Variants in PHF8 observed in about 807,000 individuals in gnomAD.
The protein encoded by PHF8 is PHD finger protein 8.
Under a neutral mutation model 74.4 loss-of-function variants are expected in PHF8, and 9 were observed. The ratio of observed to expected loss-of-function variants is 0.12; its 90% confidence interval spans 0.07 to 0.21. The LOEUF (loss-of-function observed/expected upper bound fraction) is 0.21, where lower values mean the gene tolerates loss of function less well. Ranked by LOEUF, PHF8 falls within the 10% of genes least tolerant of loss-of-function variation. The pLI, the probability that PHF8 is intolerant of heterozygous loss-of-function variation, is 1.00. For synonymous variants in PHF8, 311 were observed against 316.6 expected, an observed-to-expected ratio of 0.98 and a Z score of 0.19; for missense variants, 478 against 816.6, an observed-to-expected ratio of 0.59 and a Z score of 5.05.
chrX:53,977,848 G>A (rs1357019985), intron 18 of PHF8, among the ~76,000 whole-genome samples: 4 of 107,206 alleles, frequency 3.7e-5, no homozygotes, highest in African/African-American at 6.8e-5. Flanking sequence ...GGGTTTCACC[G>A]TGTTAGCCAG....
chrX:54,026,841 G>C (rs1449585197), intron 2 of PHF8, among the ~76,000 whole-genome samples: 2 of 111,210 alleles, frequency 1.8e-5, no homozygotes, highest in Non-Finnish European at 3.8e-5. Flanking sequence ...CTGGCCTCAA[G>C]TGATCCTCCT....
At chrX:54,008,371 C>CAAA (rs34539175) in intron 8 of PHF8, among the ~76,000 whole-genome samples, 15 of 36,209 alleles carry the variant, frequency 4.1e-4, no homozygotes, top group Non-Finnish European at 6.1e-4. Context: ...AATACTCCGT[C>CAAA]AAAAAAAAAA....
chrX:54,003,740 G>C (rs2065859681), intron 8 of PHF8, among the ~76,000 whole-genome samples: 1 of 111,846 alleles, frequency 8.9e-6, no homozygotes, highest in Non-Finnish European at 1.9e-5. Context: ...GCCCTCAATC[G>C]CCTCTGTGGT....
chrX:54,008,858 T>C (rs2065936394), intron 8 of PHF8, among the ~76,000 whole-genome samples: 1 of 111,153 alleles, frequency 9.0e-6, no homozygotes, highest in African/African-American at 3.3e-5. Context: ...TGACTGCTAA[T>C]GAGTATAGGG....
At chrX:53,946,176 T>C (rs782759933) in intron 19 of PHF8, among the ~76,000 whole-genome samples, 13 of 112,046 alleles carry the variant, frequency 1.2e-4, no homozygotes, top group African/African-American at 4.2e-4. Context: ...AATGAAACAA[T>C]TGATTCTAGG....
At chrX:53,945,674 T>C (rs782377557) in intron 19 of PHF8, among the ~76,000 whole-genome samples, 1 of 110,929 alleles carries the variant, frequency 9.0e-6, no homozygotes, top group African/African-American at 3.3e-5. Context: ...CCTTATTACA[T>C]CTCCAGAGTG....
chrX:53,950,876 A>AC (rs1390937402), intron 19 of PHF8, among the ~76,000 whole-genome samples: 1 of 112,425 alleles, frequency 8.9e-6, no homozygotes, highest in African/African-American at 3.2e-5. Flanking sequence ...AAATTACAAG[A>AC]CATACAAAGA....
Position 54,002,192 on chromosome X carries a change from A to G in PHF8, c.1104T>C (p.Cys368=). Residue 368 remains cysteine (C), a synonymous_variant, in exon 10 of 22, where the codon TGT becomes TGC. Transcript: ENST00000338154. Reference sequence around the variant, plus strand: ...CCAGGATGTGCTTTCCCACATACCAACAGATGGTCTCAAAGTTGGGGAATC... The same window carrying G: ...CCAGGATGTGCTTTCCCACATACCAGCAGATGGTCTCAAAGTTGGGGAATC... ...LFRFPNFETI[C]WYVGKHILDI... is the part of the protein sequence containing the mutation. 1 of 1,201,386 alleles carries G rather than the reference A, an allele frequency of 8.3e-7. No individual in the cohort carries two copies. Among genetic ancestry groups the G allele is most frequent in the Non-Finnish European group, 1.1e-6 (1 of 886,310 alleles).
chrX:53,967,227 G>A (rs2065212240), intron 18 of PHF8, among the ~76,000 whole-genome samples: 1 of 106,061 alleles, frequency 9.4e-6, no homozygotes, highest in South Asian at 4.1e-4. Flanking sequence ...GAAGTGAGGA[G>A]CCCCTCTGCC....
At chrX:54,048,837 C>T (rs782719107), upstream of PHF8, 2 of 112,504 alleles carry the variant, frequency 1.8e-5, no homozygotes, top group South Asian at 3.7e-4. Context: ...TAAATGCATT[C>T]CCATTATAAA....
rs2149882578 is a variant in PHF8 at position 54,019,470 on chromosome X, T to C, written c.294-1649A>G. Reference sequence around the variant, plus strand: ...ATGAGACCCTGTCTCAAAAAAAAAATCTACTTATTTCCTTCATAATTAAAG... The same window carrying C: ...ATGAGACCCTGTCTCAAAAAAAAAACCTACTTATTTCCTTCATAATTAAAG... On this transcript the variant is annotated intron_variant, in intron 4 of 21. Transcript: ENST00000338154. 1.9e-5 allele frequency among the ~76,000 whole-genome samples: 2 copies of C among 106,922 alleles called. 1 individual carries two copies. Among genetic ancestry groups the C allele is most frequent in the Admixed American group, 2.0e-4 (2 of 9,884 alleles). The allele number at this position is 106,922 out of a possible 115,157, so 92.8% of individuals were successfully genotyped here. A position where few individuals can be genotyped will look rare whatever the true frequency, so the allele number is the denominator to read the frequency against.
intron 19 of PHF8, among the ~76,000 whole-genome samples, chrX:53,960,263 G>A (rs1406815922): frequency 9.4e-6 from 1 of 106,902 alleles, no homozygotes; most frequent in East Asian, 3.1e-4. Flanking sequence ...CTTTAGTAGA[G>A]ACGGGGTTTC....
At chrX:54,037,036 C>G in intron 2 of PHF8, among the ~76,000 whole-genome samples, 1 of 102,114 alleles carries the variant, frequency 9.8e-6, no homozygotes, top group Non-Finnish European at 2.0e-5. Flanking sequence ...AGTCTCAAAT[C>G]AATAATCTAA....
chrX:53,978,966 G>A (rs1319552622), intron 18 of PHF8, among the ~76,000 whole-genome samples: 1 of 111,184 alleles, frequency 9.0e-6, no homozygotes, highest in African/African-American at 3.3e-5. Context: ...CTACAAAGGG[G>A]GTAGTAACAC....
chrX:53,989,200 A>G (rs1557100659), intron 14 of PHF8, among the ~76,000 whole-genome samples: 1 of 110,907 alleles, frequency 9.0e-6, no homozygotes, highest in African/African-American at 3.3e-5. Context: ...CTAACAAGTG[A>G]TCCGCCCACC....
At chrX:54,028,955 G>A (rs1361561139) in intron 2 of PHF8, among the ~76,000 whole-genome samples, 1 of 112,289 alleles carries the variant, frequency 8.9e-6, no homozygotes, top group African/African-American at 3.2e-5. Context: ...CTCATTGTAA[G>A]ATGGGGATAA....
At chrX:54,002,008 G>A (rs2065835135) in intron 10 of PHF8, 147 bp downstream of exon 10, 1 of 480,501 alleles carries the variant, frequency 2.1e-6, no homozygotes, top group Admixed American at 3.1e-5. Flanking sequence ...ACATATTTAC[G>A]GTACACAACA....
At chrX:54,034,616 A>G (rs1406660233) in intron 2 of PHF8, among the ~76,000 whole-genome samples, 1 of 110,189 alleles carries the variant, frequency 9.1e-6, no homozygotes, top group Non-Finnish European at 1.9e-5. Context: ...TGAGGTCAGG[A>G]GTTCAAGACC....
chrX:53,954,282 A>G (rs898132599), intron 19 of PHF8, among the ~76,000 whole-genome samples: 1 of 110,271 alleles, frequency 9.1e-6, no homozygotes, highest in African/African-American at 3.3e-5. Flanking sequence ...GGCGGATCAC[A>G]AGGTCAGGAG....
Sources: gnomAD v4.1 joint callset for allele counts (sites outside exome capture counted in the v4.1 genomes callset) on GRCh38, gnomAD v4.1.1 for gene constraint, MANE v1.5 for transcripts, NCBI Gene and HGNC (gene_info 2026-07-23, HGNC 2026-07-21) for gene names.